The following ASRGL1 variants were observed in gnomAD, a reference collection of about 807,000 sequenced individuals.
ASRGL1 encodes isoaspartyl peptidase/L-asparaginase.
ASRGL1 carries 16 observed loss-of-function variants against 22.4 expected under a neutral mutation model. The ratio of observed to expected loss-of-function variants is 0.71; its 90% CI spans 0.48 to 1.08. The LOEUF is 1.08. Ranked by LOEUF, ASRGL1 falls within the 50% of genes least tolerant of loss-of-function variation. The pLI is 0.00. For synonymous variants in ASRGL1, 165 were observed against 159.3 expected (o/e 1.04, Z -0.27); for missense variants, 412 against 410.1 (o/e 1.00, Z -0.04).
At chr11:62,341,956 G>A (rs564226159) in intron 2 of ASRGL1, among the ~76,000 whole-genome samples, 44 of 152,178 alleles carry the variant, frequency 2.9e-4, no homozygotes, top group Non-Finnish European at 2.1e-4. Flanking sequence ...AATAGTATTC[G>A]AACATTAATT....
At chr11:62,380,674 A>C (rs916647391) in intron 4 of ASRGL1, among the ~76,000 whole-genome samples, 6 of 152,158 alleles carry the variant, frequency 3.9e-5, no homozygotes, top group African/African-American at 1.4e-4. Context: ...ATAAGGAATG[A>C]GTCTATGTCC....
chr11:62,401,111 G>A, the ASRGL1 span, among the ~76,000 whole-genome samples: 1 of 152,250 alleles, frequency 6.6e-6, no homozygotes, highest in Non-Finnish European at 1.5e-5. Flanking sequence ...GTCAGAACAA[G>A]GAGTGCCCAA....
At chr11:62,386,721 GC>G (rs1249762684) in intron 4 of ASRGL1, among the ~76,000 whole-genome samples, 6 of 152,156 alleles carry the variant, frequency 3.9e-5, no homozygotes, top group Non-Finnish European at 5.9e-5. Flanking sequence ...CATGGAATGT[GC>G]ATATCATCAG....
At chr11:62,371,796 C>G (rs1039642822) in intron 4 of ASRGL1, 1 of 467,178 alleles carries the variant, frequency 2.1e-6, no homozygotes, top group Non-Finnish European at 3.9e-6. Flanking sequence ...ACTAAAAATA[C>G]AAAAAAAATT....
In ASRGL1 at chr11:62,389,148, G is replaced by C; in HGVS notation, c.507G>C (p.Val169=). 1.9e-6 allele frequency: 3 copies of C among 1,611,020 alleles called. No individual in the cohort carries two copies. Among genetic ancestry groups the C allele is most frequent in the Non-Finnish European group, 2.5e-6 (3 of 1,177,430 alleles). ...TTTTTGGCAGAAACTTGGGAACCGT[G>C]GGTGCTGTTGCCTTGGACTGCAAAG... The part of the protein sequence containing the change: ...KTDCQKNLGT[V]GAVALDCKGN... The change falls in exon 5 of 7, where the codon GTG becomes GTC. Residue 169 remains valine (V), a synonymous_variant. Coordinates refer to ENST00000415229, the MANE Select transcript of ASRGL1 (RefSeq NM_001083926.2).
rs556120077 is a variant in ASRGL1, at chr11:62,367,433, G to C, written c.491+10289G>C. On this transcript the variant is annotated intron_variant, in intron 4 of 6. Coordinates refer to ENST00000415229, the MANE Select transcript of ASRGL1 (RefSeq NM_001083926.2). ...GGCTGAGGTGGGTGGATTACTTGAGGTCAGGAGTTTGAGACCAGTTGACCA... is the reference window on the plus strand; with the variant it reads ...GGCTGAGGTGGGTGGATTACTTGAGCTCAGGAGTTTGAGACCAGTTGACCA... Among the ~76,000 whole-genome samples the C allele has an allele frequency of 8.0e-5, 12 of 150,380 alleles. 1 individual carries two copies. Among genetic ancestry groups the C allele is most frequent in the African/African-American group, 2.9e-4 (12 of 40,764 alleles).
In ASRGL1 at chr11:62,376,444, T is replaced by C. The variant is rs111304662; in HGVS notation, c.492-12689T>C. On this transcript the variant is annotated intron_variant, in intron 4 of 6. Transcript: ENST00000415229. ...TCTCCTAGTGAAACAAGCAAAACCT[T>C]TCCCCCACGTTACCACCTTCCCTAT... Among the ~76,000 whole-genome samples the C allele has an allele frequency of 9.7e-3, 1,475 of 152,238 alleles. 32 individuals are homozygous for C. Among genetic ancestry groups the C allele is most frequent in the African/African-American group, 0.031 (1,286 of 41,514 alleles).
chr11:62,359,393 C>T (rs1175339171), intron 4 of ASRGL1, among the ~76,000 whole-genome samples: 3 of 151,888 alleles, frequency 2.0e-5, no homozygotes, highest in African/African-American at 7.3e-5. Context: ...TTGCAGTGAG[C>T]CAAGATCGCG....
downstream of ASRGL1, among the ~76,000 whole-genome samples, chr11:62,396,250 C>G (rs986884125): frequency 1.3e-5 from 2 of 150,472 alleles, no homozygotes; most frequent in Non-Finnish European, 3.0e-5. Flanking sequence ...GCCTGGAACA[C>G]AGTGGAGGTT....
chr11:62,356,305 C>G lies in ASRGL1; in HGVS notation c.191-20C>G. On this transcript the variant is annotated intron_variant, in intron 2 of 6. Coordinates refer to ENST00000415229, the MANE Select transcript of ASRGL1 (RefSeq NM_001083926.2). The stretch of plus-strand genomic sequence containing the variant: ...GCGTAAATTCTTAATTCTTGCTTTT[C>G]AACTTCTTTTTGGTTTTAGGTTGTG... 1 of 1,611,196 alleles carries G rather than the reference C, an allele frequency of 6.2e-7. No homozygotes were observed.
intron 5 of ASRGL1, chr11:62,389,600 GACTT>G (rs895482647): frequency 8.9e-5 from 33 of 371,180 alleles, no homozygotes; most frequent in African/African-American, 6.9e-4. Flanking sequence ...ACTTGAGTAA[GACTT>G]ACTCCCGAGA....
chr11:62,371,395 G>C (rs977785882), intron 4 of ASRGL1: 16 of 602,648 alleles, frequency 2.7e-5, no homozygotes, highest in African/African-American at 1.8e-4. Context: ...GGTGGTCGCC[G>C]AACCCGAGCA....
At chr11:62,375,159 G>A (rs1287243393) in intron 4 of ASRGL1, among the ~76,000 whole-genome samples, 3 of 151,952 alleles carry the variant, frequency 2.0e-5, no homozygotes, top group Non-Finnish European at 2.9e-5. Context: ...GCCTTGTCCC[G>A]CACCTCCTTC....
At chr11:62,390,500 T>TA (rs1051675630) in intron 5 of ASRGL1, among the ~76,000 whole-genome samples, 1 of 152,188 alleles carries the variant, frequency 6.6e-6, no homozygotes, top group Admixed American at 6.5e-5. Context: ...GGACCACCCT[T>TA]GGAGACACCT....
At chr11:62,377,501 C>G (rs971238956) in intron 4 of ASRGL1, among the ~76,000 whole-genome samples, 1 of 152,164 alleles carries the variant, frequency 6.6e-6, no homozygotes, top group Non-Finnish European at 1.5e-5. Flanking sequence ...TCTTTTGGCC[C>G]TATGTAAGCT....
intron 2 of ASRGL1, among the ~76,000 whole-genome samples, chr11:62,346,963 C>T (rs1415622570): frequency 9.4e-6 from 1 of 106,312 alleles, no homozygotes; most frequent in Non-Finnish European, 2.1e-5. Flanking sequence ...AGTGAGACTC[C>T]GTCTCAAAAA....
chr11:62,372,705 CAGA>C (rs1305525602), intron 4 of ASRGL1: 4 of 1,337,944 alleles, frequency 3.0e-6, no homozygotes, highest in African/African-American at 1.4e-5. Flanking sequence ...CTACACAGAG[CAGA>C]AGGATGAGAT....
chr11:62,348,679 G>A (rs1946093921), intron 2 of ASRGL1, among the ~76,000 whole-genome samples: 1 of 151,478 alleles, frequency 6.6e-6, no homozygotes, highest in Admixed American at 6.6e-5. Context: ...CTCCAGCCTG[G>A]GTGACAGAGC....
At chr11:62,348,706 GA>G (rs145352663) in intron 2 of ASRGL1, among the ~76,000 whole-genome samples, 40,735 of 145,404 alleles carry the variant, frequency 0.28, 5,578 homozygotes, top group South Asian at 0.36. Flanking sequence ...CCTCCTCAAA[GA>G]AAAAAAAAAA....
Sources: allele counts gnomAD v4.1 joint callset (sites outside exome capture counted in the v4.1 genomes callset), GRCh38; gene constraint gnomAD v4.1.1; transcripts MANE v1.5; gene names NCBI Gene and HGNC (gene_info 2026-07-23, HGNC 2026-07-21).